Variants in AXDND1 observed in about 807,000 individuals in gnomAD.
AXDND1 encodes the protein axonemal dynein light chain domain-containing protein 1.
AXDND1 carries 110 observed loss-of-function variants against 137.5 expected under a neutral mutation model. The ratio of observed to expected loss-of-function variants is 0.80; its 90% confidence interval spans 0.69 to 0.94. AXDND1 has a LOEUF of 0.94. AXDND1 is among the 40% of genes least tolerant of loss of function. The pLI, the probability that AXDND1 is intolerant of heterozygous loss-of-function variation, is 0.00. For synonymous variants in AXDND1, 414 were observed against 399.7 expected, an observed-to-expected ratio of 1.04 and a Z score of -0.43; for missense variants, 1,191 against 1,169.8, an observed-to-expected ratio of 1.02 and a Z score of -0.26.
intron 21 of AXDND1, among the ~76,000 whole-genome samples, chr1:179,515,953 G>C (rs1293953653): frequency 6.6e-6 from 1 of 152,076 alleles, no homozygotes; most frequent in Non-Finnish European, 1.5e-5. Flanking sequence ...TTGTGTTACA[G>C]TTGCCTACAG....
intron 16 of AXDND1, among the ~76,000 whole-genome samples, chr1:179,445,923 CTG>C (rs1396898536): frequency 6.6e-6 from 1 of 152,182 alleles, no homozygotes. Flanking sequence ...GCCTGCCACA[CTG>C]TTTTCAAGGA....
chr1:179,540,434 C>G (rs576810573), intron 25 of AXDND1, among the ~76,000 whole-genome samples: 2 of 152,220 alleles, frequency 1.3e-5, no homozygotes, highest in Admixed American at 6.5e-5. Context: ...TGTTAGTTTT[C>G]CTTCTAACAG....
intron 16 of AXDND1, chr1:179,455,761 G>A (rs775100137): frequency 1.2e-5 from 2 of 170,892 alleles, no homozygotes; most frequent in Non-Finnish European, 2.5e-5. Flanking sequence ...ACGAGAGATA[G>A]TAGGACAATA....
chr1:179,444,917 A>T lies in AXDND1; in HGVS notation c.1564-53A>T, dbSNP rs1659512141. On this transcript the variant is annotated intron_variant, in intron 15 of 25. Coordinates refer to ENST00000367618, the MANE Select transcript of AXDND1 (RefSeq NM_144696.6). ...GGGAATAAGCATCTGGTAGACTTTG[A>T]TAAACTCATTAGTGGATAATATGCT... 2.1e-5 allele frequency: 27 copies of T among 1,301,416 alleles called. No individual in the cohort carries two copies. The East Asian group carries it at 6.1e-4, about 29-fold the overall frequency. The allele number at this position is 1,301,416 out of a possible 1,614,324, so 80.6% of individuals were successfully genotyped here. A position where few individuals can be genotyped will look rare whatever the true frequency, so the allele number is the denominator to read the frequency against.
intron 11 of AXDND1, among the ~76,000 whole-genome samples, chr1:179,401,335 T>C (rs1342798341): frequency 2.0e-5 from 3 of 151,700 alleles, no homozygotes; most frequent in Admixed American, 6.6e-5. Flanking sequence ...ATATTAAAAT[T>C]TTACCAAGTT....
intron 17 of AXDND1, 57 bp downstream of exon 17, chr1:179,468,698 A>G (rs770604823): frequency 3.9e-5 from 51 of 1,315,870 alleles, no homozygotes; most frequent in African/African-American, 1.0e-4. Flanking sequence ...GTTTGTTGCA[A>G]TACACTTCAT....
At chr1:179,474,985 C>T (rs1664429395) in intron 17 of AXDND1, among the ~76,000 whole-genome samples, 2 of 152,208 alleles carry the variant, frequency 1.3e-5, no homozygotes, top group African/African-American at 4.8e-5. Context: ...CACTTCAGCT[C>T]CAGCTGTGGC....
chr1:179,517,939 G>A (rs955436978), intron 21 of AXDND1, among the ~76,000 whole-genome samples: 1 of 152,306 alleles, frequency 6.6e-6, no homozygotes, highest in Middle Eastern at 3.4e-3. Context: ...GTCCATCTGA[G>A]TTGGAGCTAC....
At position 179,460,363 on chromosome 1, in the gene AXDND1, G is replaced by C. The variant is rs530631244; in HGVS notation, c.1799-8080G>C. ...CAGCTTCATCCATGTCCCTACAAAG[G>C]ACATGAACTCATCCTTTTTTATGGC... On this transcript the variant is annotated intron_variant, in intron 16 of 25. Coordinates refer to ENST00000367618, the MANE Select transcript of AXDND1 (RefSeq NM_144696.6). Among the ~76,000 whole-genome samples, 518 of 152,242 alleles carry C rather than the reference G, an allele frequency of 3.4e-3. 1 individual carries two copies. The highest frequency in any genetic ancestry group is 4.5e-3 in the Non-Finnish European group (306 of 68,014).
At chr1:179,552,871 A>G (rs1275165110) in intron 25 of AXDND1, among the ~76,000 whole-genome samples, 9 of 152,212 alleles carry the variant, frequency 5.9e-5, no homozygotes, top group Admixed American at 5.2e-4. Context: ...CCTCAAATGC[A>G]GTTTTGTATT....
At chr1:179,476,699 T>A (rs1009652721) in intron 17 of AXDND1, among the ~76,000 whole-genome samples, 1 of 152,200 alleles carries the variant, frequency 6.6e-6, no homozygotes, top group African/African-American at 2.4e-5. Flanking sequence ...GCACCTATTG[T>A]TTATTTTGAG....
intron 12 of AXDND1, among the ~76,000 whole-genome samples, chr1:179,413,824 T>A (rs6684859): frequency 6.6e-6 from 1 of 151,974 alleles, no homozygotes; most frequent in Non-Finnish European, 1.5e-5. Context: ...CTCCATACTG[T>A]TTTCCACAGG....
intron 2 of AXDND1, among the ~76,000 whole-genome samples, chr1:179,367,762 G>C (rs1444285270): frequency 1.3e-5 from 2 of 152,162 alleles, no homozygotes; most frequent in South Asian, 4.1e-4. Context: ...GAAACAAAAA[G>C]TAATAGCAGA....
At chr1:179,505,655 A>G (rs879298455) in intron 20 of AXDND1, among the ~76,000 whole-genome samples, 1 of 152,002 alleles carries the variant, frequency 6.6e-6, no homozygotes, top group Non-Finnish European at 1.5e-5. Flanking sequence ...CTCAAAAAAA[A>G]AAAAAGAAAA....
At position 179,468,657 on chromosome 1, in the gene AXDND1, TTTC is replaced by T; in HGVS notation, c.1997+19_1997+21del. On this transcript the variant is annotated intron_variant, in intron 17 of 25. Transcript: ENST00000367618. ...ATTCTGTTTCGTAAGTTCCCATAGG[TTTC>T]TTTTGTTCTGAGATAATTTTCCTAA... is the stretch of plus-strand genomic sequence containing the variant. 6.4e-7 allele frequency: 1 copy of T among 1,569,988 alleles called. No individual in the cohort carries two copies. Among genetic ancestry groups the T allele is most frequent in the Non-Finnish European group, 8.6e-7 (1 of 1,162,708 alleles).
At chr1:179,455,281 A>G (rs1163503400) in intron 16 of AXDND1, 1 of 76,694 alleles carries the variant, frequency 1.3e-5, no homozygotes, top group Non-Finnish European at 3.2e-5. Flanking sequence ...TTTCAAAAAA[A>G]AAAAAAAAAA....
At chr1:179,399,000 G>C (rs1392016900) in intron 11 of AXDND1, among the ~76,000 whole-genome samples, 1 of 152,176 alleles carries the variant, frequency 6.6e-6, no homozygotes, top group Non-Finnish European at 1.5e-5. Context: ...CCAGCAAAGT[G>C]ATGTGGGGCA....
At chr1:179,403,734 C>T (rs59004575) in intron 11 of AXDND1, among the ~76,000 whole-genome samples, 16,100 of 152,108 alleles carry the variant, frequency 0.11, 965 homozygotes, top group African/African-American at 0.14. Context: ...CCACCACACC[C>T]GGCTAATTTT....
At chr1:179,452,047 T>C (rs890282540) in intron 16 of AXDND1, 1 of 152,448 alleles carries the variant, frequency 6.6e-6, no homozygotes, top group Non-Finnish European at 1.5e-5. Context: ...GTGGGAAAGT[T>C]TGAAACTCCC....
Sources: gnomAD v4.1 joint callset for allele counts (sites outside exome capture counted in the v4.1 genomes callset) on GRCh38, gnomAD v4.1.1 for gene constraint, MANE v1.5 for transcripts, NCBI Gene and HGNC (gene_info 2026-07-23, HGNC 2026-07-21) for gene names.